The following TCF12 variants were observed in gnomAD, a reference collection of about 807,000 sequenced individuals.
TCF12 encodes transcription factor 12, also known as DNA-binding protein HTF4.
Under a neutral mutation model 86.0 loss-of-function variants are expected in TCF12, and 45 were observed. The observed-to-expected ratio is 0.52, with a 90% CI of 0.41 to 0.67. The LOEUF (loss-of-function observed/expected upper bound fraction) is 0.67. Among genes scored for constraint, TCF12 ranks in the 30% least tolerant of loss-of-function variants. TCF12 has a pLI of 0.00. For synonymous variants in TCF12, 330 were observed against 299.6 expected (o/e 1.10, Z -1.05); for missense variants, 881 against 859.9 (o/e 1.02, Z -0.31).
At chr15:56,959,937 C>T (rs926251925) in intron 3 of TCF12, among the ~76,000 whole-genome samples, 6 of 152,054 alleles carry the variant, frequency 3.9e-5, no homozygotes, top group Non-Finnish European at 8.8e-5. Flanking sequence ...TTTTTGACAA[C>T]TTGAAAAAAA....
intron 13 of TCF12, chr15:57,247,677 C>T (rs1343156315): frequency 1.3e-6 from 1 of 753,896 alleles, no homozygotes; most frequent in African/African-American, 1.7e-5. Flanking sequence ...ATTTTCCTCA[C>T]TGTTAGATGG....
chr15:57,051,518 C>G (rs1356582906), intron 3 of TCF12, among the ~76,000 whole-genome samples: 5 of 151,700 alleles, frequency 3.3e-5, no homozygotes, highest in African/African-American at 1.2e-4. Flanking sequence ...GAGATGAGTT[C>G]TTGCTATGTT....
intron 3 of TCF12, among the ~76,000 whole-genome samples, chr15:56,976,833 A>C (rs576753985): frequency 3.3e-4 from 50 of 152,338 alleles, no homozygotes; most frequent in Non-Finnish European, 6.9e-4. Flanking sequence ...AGTAGCAAGA[A>C]AAATTGAGAT....
chr15:57,071,161 C>T (rs2069341098), intron 4 of TCF12, among the ~76,000 whole-genome samples: 1 of 151,620 alleles, frequency 6.6e-6, no homozygotes, highest in Non-Finnish European at 1.5e-5. Context: ...AAACCCAGTA[C>T]GTTGGGAGGC....
At chr15:56,936,272 A>G (rs1305363293) in intron 3 of TCF12, among the ~76,000 whole-genome samples, 2 of 152,026 alleles carry the variant, frequency 1.3e-5, no homozygotes, top group Non-Finnish European at 2.9e-5. Context: ...GGCCATTTGT[A>G]TATCTTCTTT....
intron 5 of TCF12, among the ~76,000 whole-genome samples, chr15:57,111,249 C>T (rs1327618790): frequency 1.3e-5 from 2 of 152,086 alleles, no homozygotes; most frequent in African/African-American, 4.8e-5. Flanking sequence ...GTCCAGATCC[C>T]AGTGAGTTTC....
At chr15:57,025,012 A>G (rs1302560013) in intron 3 of TCF12, among the ~76,000 whole-genome samples, 9 of 152,096 alleles carry the variant, frequency 5.9e-5, no homozygotes, top group Non-Finnish European at 4.4e-5. Flanking sequence ...TGTGTTGCAT[A>G]GCTATGATGG....
chr15:57,248,073 C>T (rs1369007692), intron 13 of TCF12: 1 of 702,734 alleles, frequency 1.4e-6, no homozygotes, highest in African/African-American at 1.7e-5. Context: ...CTCATGTCTT[C>T]CAACTCAAGT....
intron 18 of TCF12, 102 bp downstream of exon 18, chr15:57,263,376 A>C (rs912880259): frequency 1.6e-6 from 2 of 1,230,580 alleles, no homozygotes; most frequent in Non-Finnish European, 2.3e-6. Context: ...GCTATGTTCT[A>C]GATATTGTGT....
intron 3 of TCF12, among the ~76,000 whole-genome samples, chr15:56,960,266 T>A (rs1283573078): frequency 6.6e-6 from 1 of 152,194 alleles, no homozygotes; most frequent in Non-Finnish European, 1.5e-5. Flanking sequence ...GAATTTGGTT[T>A]AGTTTGAGTC....
At position 57,269,652 on chromosome 15, in the gene TCF12, G is replaced by A. The variant is rs561881913; in HGVS notation, c.1746-3378G>A. 1.7e-3 allele frequency among the ~76,000 whole-genome samples: 255 copies of A among 152,084 alleles called. 1 individual carries two copies. The highest frequency in any genetic ancestry group is 8.5e-3 in the South Asian group (41 of 4,806). On this transcript the variant is annotated intron_variant, in intron 18 of 20. Coordinates refer to ENST00000333725, the MANE Select transcript of TCF12 (RefSeq NM_207037.2). The stretch of plus-strand genomic sequence containing the variant: ...ATTGATGCAGTTTCTTCATAGCATC[G>A]ATGGTCTTTACAATTTGGCATGTTT...
chr15:56,926,175 T>G (rs1444608810), intron 3 of TCF12, among the ~76,000 whole-genome samples: 1 of 152,068 alleles, frequency 6.6e-6, no homozygotes, highest in Admixed American at 6.5e-5. Context: ...TAGCCAGGTG[T>G]TGTGGCTCAT....
chr15:57,198,829 G>A (rs746945653), intron 8 of TCF12, among the ~76,000 whole-genome samples: 6 of 152,154 alleles, frequency 3.9e-5, no homozygotes, highest in Non-Finnish European at 5.9e-5. Flanking sequence ...TGGAATATCC[G>A]GCTTGGCAAG....
chr15:57,035,877 A>G (rs1485819400), intron 3 of TCF12, among the ~76,000 whole-genome samples: 1 of 152,146 alleles, frequency 6.6e-6, no homozygotes, highest in South Asian at 2.1e-4. Context: ...GCAAACAAAC[A>G]TTATCTCCTG....
chr15:56,998,694 A>G (rs1167508287), intron 3 of TCF12, among the ~76,000 whole-genome samples: 1 of 152,172 alleles, frequency 6.6e-6, no homozygotes, highest in African/African-American at 2.4e-5. Flanking sequence ...GATAGATCTA[A>G]TTGACCTTTA....
At chr15:57,112,076 A>C (rs2050530308) in intron 5 of TCF12, among the ~76,000 whole-genome samples, 1 of 152,194 alleles carries the variant, frequency 6.6e-6, no homozygotes, top group South Asian at 2.1e-4. Context: ...ATTTAGAAGG[A>C]AAGGAAATCC....
chr15:57,050,685 T>C (rs2067551013), intron 3 of TCF12, among the ~76,000 whole-genome samples: 1 of 152,178 alleles, frequency 6.6e-6, no homozygotes, highest in African/African-American at 2.4e-5. Context: ...ATCTAACAGG[T>C]AGCTGAAACT....
chr15:57,176,836 T>C (rs2055948043), intron 6 of TCF12, among the ~76,000 whole-genome samples: 1 of 152,160 alleles, frequency 6.6e-6, no homozygotes, highest in Non-Finnish European at 1.5e-5. Context: ...GATGGCACTA[T>C]AAGAAAAGGA....
At chr15:56,927,563 TAAC>T (rs1392179159) in intron 3 of TCF12, among the ~76,000 whole-genome samples, 2 of 152,246 alleles carry the variant, frequency 1.3e-5, no homozygotes, top group African/African-American at 2.4e-5. Context: ...TAGCATAACT[TAAC>T]AAATCCATTC....
Sources: gnomAD v4.1 joint callset for allele counts (sites outside exome capture counted in the v4.1 genomes callset) on GRCh38, gnomAD v4.1.1 for gene constraint, MANE v1.5 for transcripts, NCBI Gene and HGNC (gene_info 2026-07-23, HGNC 2026-07-21) for gene names.